Variants in PRPF38A observed in about 807,000 individuals in gnomAD.
PRPF38A encodes the protein pre-mRNA-splicing factor 38A.
PRPF38A carries 11 observed loss-of-function variants against 46.8 expected under a neutral mutation model. That is an observed-to-expected ratio of 0.24 (90% CI 0.15 to 0.39). The LOEUF (loss-of-function observed/expected upper bound fraction) is 0.39, where lower values mean the gene tolerates loss of function less well. Ranked by LOEUF, PRPF38A falls within the 10% of genes least tolerant of loss-of-function variation. PRPF38A has a pLI of 1.00. For synonymous variants in PRPF38A, 124 were observed against 136.2 expected (o/e 0.91, Z 0.62); for missense variants, 261 against 407.5 (o/e 0.64, Z 3.10).
rs1277399290 is a variant in PRPF38A, at chr1:52,412,402, T to C, written c.499-112T>C. ...TGTTAGGAAAATCTTGAACTGTCTTTGAAATGAAATTGCCTCAGCTGTTGC... is the reference window on the plus strand; with the variant it reads ...TGTTAGGAAAATCTTGAACTGTCTTCGAAATGAAATTGCCTCAGCTGTTGC... On this transcript the variant is annotated intron_variant, in intron 4 of 9. Coordinates refer to ENST00000257181, the MANE Select transcript of PRPF38A (RefSeq NM_032864.4). 3 of 657,176 alleles carry C rather than the reference T, an allele frequency of 4.6e-6. No homozygotes were observed. In the African/African-American group the frequency reaches 5.4e-5, roughly 12 times the overall value. 40.7% of individuals were successfully genotyped at this position (657,176 alleles called of 1,614,324 possible).
intron 4 of PRPF38A, 98 bp from the exon 5 acceptor site, chr1:52,412,416 C>T (rs1447139457): frequency 1.5e-4 from 105 of 723,952 alleles, no homozygotes; most frequent in Non-Finnish European, 2.3e-4. Flanking sequence ...ATGAAATTGC[C>T]TCAGCTGTTG....
At chr1:52,409,814 T>A (rs2147956117) in intron 3 of PRPF38A, among the ~76,000 whole-genome samples, 1 of 152,110 alleles carries the variant, frequency 6.6e-6, no homozygotes. Flanking sequence ...CTATTGACAT[T>A]TTGGGTCATA....
At chr1:52,408,513 G>T in intron 2 of PRPF38A, 56 bp from the exon 3 acceptor site, 5 of 1,612,758 alleles carry the variant, frequency 3.1e-6, no homozygotes, top group Non-Finnish European at 4.2e-6. Flanking sequence ...ACAGCTAGTT[G>T]TAAAACTCAG....
intron 2 of PRPF38A, among the ~76,000 whole-genome samples, chr1:52,407,296 G>A (rs771137136): frequency 4.6e-5 from 7 of 152,216 alleles, no homozygotes; most frequent in African/African-American, 1.7e-4. Flanking sequence ...GATTAGAGGC[G>A]TGAGCCACCG....
chr1:52,408,487 C>T, intron 2 of PRPF38A, 82 bp from the exon 3 acceptor site: 6 of 1,567,084 alleles, frequency 3.8e-6, no homozygotes, highest in Non-Finnish European at 4.4e-6. Flanking sequence ...CATGTTTATC[C>T]ACTACTGTCA....
Position 52,419,544 on chromosome 1 carries a change from CAG to C in PRPF38A, c.*2856_*2857del, listed in dbSNP as rs1648408619. ...CACTCCCTCAAAAAGGTTAATGTGA[CAG>C]AAATTCTCCACCTGCTCAAAAAAGA... On this transcript the variant is annotated 3_prime_UTR_variant, in exon 10 of 10. Transcript: ENST00000257181. 1 of 151,200 alleles carries C rather than the reference CAG, an allele frequency of 6.6e-6. No homozygotes were observed. The highest frequency in any genetic ancestry group is 2.1e-4 in the South Asian group (1 of 4,792). 9.4% of individuals were successfully genotyped at this position (151,200 alleles called of 1,614,324 possible). A position where few individuals can be genotyped will look rare whatever the true frequency, so the allele number is the denominator to read the frequency against.
chr1:52,415,210 C>T, intron 8 of PRPF38A, 128 bp from the exon 9 acceptor site: 1 of 843,816 alleles, frequency 1.2e-6, no homozygotes, highest in Non-Finnish European at 1.9e-6. Context: ...GAGTTGCTTC[C>T]ACTAAGAGGT....
At chr1:52,415,433 A>C in intron 9 of PRPF38A, 47 bp downstream of exon 9, 1 of 1,514,394 alleles carries the variant, frequency 6.6e-7, no homozygotes, top group Middle Eastern at 1.7e-4. Flanking sequence ...AGTCCAAATT[A>C]CAACTAACTG....
chr1:52,419,892 A>G lies in PRPF38A; in HGVS notation c.*3202A>G, dbSNP rs2147962114. ...AGTGAAACCCGTCTCTACTAAAAAT[A>G]CAAAAAATTAGCTGGGTGTGCTGGC... On this transcript the variant is annotated 3_prime_UTR_variant, in exon 10 of 10. Transcript: ENST00000257181. The G allele has an allele frequency of 6.6e-6, 1 of 152,360 alleles. No individual in the cohort carries two copies. The highest frequency in any genetic ancestry group is 6.5e-5 in the Admixed American group (1 of 15,300). The allele number at this position is 152,360 out of a possible 1,614,324, so 9.4% of individuals were successfully genotyped here.
At position 52,414,006 on chromosome 1, in the gene PRPF38A, T is replaced by C. The variant is rs111470585; in HGVS notation, c.722+15T>C. ...TCTCCCAGAAGGTAAAGCCTAGTCATTGGCCTTTTCCCAGAAGATTTTGAG... is the reference window on the plus strand; with the variant it reads ...TCTCCCAGAAGGTAAAGCCTAGTCACTGGCCTTTTCCCAGAAGATTTTGAG... On this transcript the variant is annotated intron_variant, in intron 6 of 9. Transcript: ENST00000257181. 24 of 1,555,000 alleles carry C rather than the reference T, an allele frequency of 1.5e-5. No individual in the cohort carries two copies. The African/African-American group carries it at 2.3e-4, about 15-fold the overall frequency.
Position 52,404,609 on chromosome 1 carries a change from G to A in PRPF38A, c.-141G>A. On this transcript the variant is annotated 5_prime_UTR_variant, in exon 1 of 10. Transcript: ENST00000257181. ...GGGGAGCGGAAGCCCTTTACACTACGGTGTTTCCGGCTTCAAGATGGTCGC... is the reference window on the plus strand; with the variant it reads ...GGGGAGCGGAAGCCCTTTACACTACAGTGTTTCCGGCTTCAAGATGGTCGC... 3 of 833,106 alleles carry A rather than the reference G, an allele frequency of 3.6e-6. No homozygotes were observed. The highest frequency in any genetic ancestry group is 3.5e-5 in the South Asian group (2 of 56,454). The allele number at this position is 833,106 out of a possible 1,614,324, so 51.6% of individuals were successfully genotyped here. A position where few individuals can be genotyped will look rare whatever the true frequency, so the allele number is the denominator to read the frequency against.
At position 52,408,845 on chromosome 1, in the gene PRPF38A, G is replaced by A. The variant is rs1648071758; in HGVS notation, c.412+155G>A. Reference sequence around the variant, plus strand: ...AGGTTTTCCCTTGTCCCTCATGGGAGTTTTCAGTCTGACTACTAGCTTCGT... The same window carrying A: ...AGGTTTTCCCTTGTCCCTCATGGGAATTTTCAGTCTGACTACTAGCTTCGT... On this transcript the variant is annotated intron_variant, in intron 3 of 9. Transcript: ENST00000257181. The A allele has an allele frequency of 6.8e-6, 6 of 885,932 alleles. No individual in the cohort carries two copies. In the East Asian group the frequency reaches 1.7e-4, roughly 24 times the overall value. The allele number at this position is 885,932 out of a possible 1,614,324, so 54.9% of individuals were successfully genotyped here. A position where few individuals can be genotyped will look rare whatever the true frequency, so the allele number is the denominator to read the frequency against.
intron 9 of PRPF38A, 22 bp downstream of exon 9, chr1:52,415,408 T>G: frequency 6.2e-7 from 1 of 1,602,262 alleles, no homozygotes; most frequent in Non-Finnish European, 8.5e-7. Flanking sequence ...ACCTCTATTT[T>G]AACTTTACAG....
At position 52,419,587 on chromosome 1, in the gene PRPF38A, C is replaced by T. The variant is rs1172012332; in HGVS notation, c.*2897C>T. ...TCAAAAAAGACAGCAGACATGATCT[C>T]TTTAAAAAAAAAAAGTTCAAAAGAG... On this transcript the variant is annotated 3_prime_UTR_variant, in exon 10 of 10. Transcript: ENST00000257181. 3 of 150,392 alleles carry T rather than the reference C, an allele frequency of 2.0e-5. No homozygotes were observed. Among genetic ancestry groups the T allele is most frequent in the South Asian group, 2.1e-4 (1 of 4,782 alleles). The allele number at this position is 150,392 out of a possible 1,614,324, so 9.3% of individuals were successfully genotyped here. A position where few individuals can be genotyped will look rare whatever the true frequency, so the allele number is the denominator to read the frequency against.
At chr1:52,406,864 T>C (rs1234439588) in intron 2 of PRPF38A, among the ~76,000 whole-genome samples, 1 of 152,194 alleles carries the variant, frequency 6.6e-6, no homozygotes, top group Non-Finnish European at 1.5e-5. Context: ...TTGCCCAAGT[T>C]CAAACAGCTA....
At chr1:52,408,359 C>T (rs771029893) in intron 2 of PRPF38A, 11 of 690,172 alleles carry the variant, frequency 1.6e-5, no homozygotes, top group Non-Finnish European at 2.4e-5. Context: ...GTATGATGTT[C>T]CCACAGCCAT....
intron 4 of PRPF38A, among the ~76,000 whole-genome samples, chr1:52,411,506 A>T (rs1648148334): frequency 6.6e-6 from 1 of 152,226 alleles, no homozygotes; most frequent in African/African-American, 2.4e-5. Context: ...CAAAGTCAGC[A>T]CATTACCTGT....
In PRPF38A at chr1:52,414,823, C is replaced by T. The variant is rs900394862; in HGVS notation, c.811C>T (p.Arg271Ter). ...TCCAAGACGTCACCGCAGCAGGTCC[C>T]GAGATCGGCGGCACAGATCCCGTTC... Reference protein sequence around the residue: ...KSPRRHRSRSRDRRHRSRSKS... With the variant: ...KSPRRHRSRS Residue 271 changes from arginine to a stop codon, truncating the protein, a stop_gained, in exon 8 of 10, where the codon CGA (arginine) becomes TGA (stop). Coordinates refer to ENST00000257181, the MANE Select transcript of PRPF38A (RefSeq NM_032864.4). LOFTEE classifies it high-confidence loss of function. 2 of 1,614,014 alleles carry T rather than the reference C, an allele frequency of 1.2e-6. No homozygotes were observed. Among genetic ancestry groups the T allele is most frequent in the African/African-American group, 1.3e-5 (1 of 74,912 alleles).
At position 52,420,083 on chromosome 1, in the gene PRPF38A, T is replaced by C. The variant is rs1648422822; in HGVS notation, c.*3393T>C. 1 of 152,176 alleles carries C rather than the reference T, an allele frequency of 6.6e-6. No individual in the cohort carries two copies. The highest frequency in any genetic ancestry group is 1.5e-5 in the Non-Finnish European group (1 of 68,020). 9.4% of individuals were successfully genotyped at this position (152,176 alleles called of 1,614,324 possible). On this transcript the variant is annotated 3_prime_UTR_variant, in exon 10 of 10. Transcript: ENST00000257181. ...ATGGGGTCAGGATGGTCTCAGATCT[T>C]ATAACAAGAAGGCAATGAAGCAAAA... is the stretch of plus-strand genomic sequence containing the variant.
Sources: allele counts gnomAD v4.1 joint callset (sites outside exome capture counted in the v4.1 genomes callset), GRCh38; gene constraint gnomAD v4.1.1; transcripts MANE v1.5; gene names NCBI Gene and HGNC (gene_info 2026-07-23, HGNC 2026-07-21).